The following PLXNA2 variants were observed in gnomAD, a reference collection of about 807,000 sequenced individuals.
PLXNA2 encodes the protein plexin A2, also known as plexin-A2.
Under a neutral mutation model 193.5 loss-of-function variants are expected in PLXNA2, and 91 were observed. That is an observed-to-expected ratio of 0.47 (90% CI 0.40 to 0.56). PLXNA2 has a LOEUF of 0.56. Ranked by LOEUF, PLXNA2 falls within the 20% of genes least tolerant of loss-of-function variation. The probability of loss-of-function intolerance (pLI) is 0.00; values close to 1 mark genes in which losing one functional copy is unlikely to be tolerated. For synonymous variants in PLXNA2, 997 were observed against 1,027.3 expected, an observed-to-expected ratio of 0.97 and a Z score of 0.56; for missense variants, 1,995 against 2,503.2, an observed-to-expected ratio of 0.80 and a Z score of 4.33.
chr1:208,084,647 C>A, intron 9 of PLXNA2, 67 bp from the exon 10 acceptor site: 3 of 1,482,528 alleles, frequency 2.0e-6, no homozygotes, highest in East Asian at 2.3e-5. Flanking sequence ...CTGGGACAGG[C>A]AGGCCCCTCT....
At chr1:208,142,605 T>C in intron 3 of PLXNA2, 142 bp from the exon 4 acceptor site, 1 of 754,062 alleles carries the variant, frequency 1.3e-6, no homozygotes, top group Non-Finnish European at 2.0e-6. Flanking sequence ...GCCACTTCTT[T>C]TAAACAGCCC....
chr1:208,029,149 C>A (rs1387172568), intron 29 of PLXNA2, 107 bp from the exon 30 acceptor site: 3 of 1,519,278 alleles, frequency 2.0e-6, no homozygotes, highest in Non-Finnish European at 2.6e-6. Context: ...CCTGAAGGGG[C>A]AAAGGAGTAA....
intron 3 of PLXNA2, among the ~76,000 whole-genome samples, chr1:208,183,088 G>T (rs1362820737): frequency 6.6e-6 from 1 of 152,164 alleles, no homozygotes; most frequent in Non-Finnish European, 1.5e-5. Context: ...TTCCTCTGGG[G>T]CTCCCCCTTC....
chr1:208,113,020 A>AAC (rs1244473095), intron 4 of PLXNA2, among the ~76,000 whole-genome samples: 2 of 151,678 alleles, frequency 1.3e-5, no homozygotes, highest in African/African-American at 2.4e-5. Flanking sequence ...AAAAAAAAAA[A>AAC]AAAACAGAGA....
chr1:208,231,231 G>A (rs1671682875), intron 1 of PLXNA2, among the ~76,000 whole-genome samples: 1 of 152,076 alleles, frequency 6.6e-6, no homozygotes, highest in African/African-American at 2.4e-5. Flanking sequence ...GGGGAGGGAG[G>A]ACCTAGGGCA....
At chr1:208,124,654 G>A (rs1667911775) in intron 4 of PLXNA2, among the ~76,000 whole-genome samples, 1 of 141,532 alleles carries the variant, frequency 7.1e-6, no homozygotes, top group African/African-American at 2.6e-5. Context: ...ACTCCAGCCT[G>A]GGCGACAACA....
chr1:208,047,385 T>C (rs1343433261), intron 17 of PLXNA2, among the ~76,000 whole-genome samples: 5 of 91,288 alleles, frequency 5.5e-5, no homozygotes, highest in African/African-American at 1.8e-4. Flanking sequence ...TGGAGGTCTC[T>C]GGTGCCAACT....
At chr1:208,193,557 A>G (rs959989270) in intron 3 of PLXNA2, among the ~76,000 whole-genome samples, 1 of 152,228 alleles carries the variant, frequency 6.6e-6, no homozygotes, top group African/African-American at 2.4e-5. Context: ...TATATTTATG[A>G]AAGCTCTTTA....
rs753576624 is a variant in PLXNA2 at position 208,084,347 on chromosome 1, G to A, written c.2298+33C>T. 15 of 1,609,046 alleles carry A rather than the reference G, an allele frequency of 9.3e-6. No homozygotes were observed. The South Asian group carries it at 1.4e-4, about 15-fold the overall frequency. On this transcript the variant is annotated intron_variant, in intron 10 of 31. Transcript: ENST00000367033. The stretch of plus-strand genomic sequence containing the variant: ...CAGCACGAGTGTGAGAGGAAGCCCT[G>A]CTCCAGGCAGGGCCCAGCCTGCGTT...
intron 3 of PLXNA2, among the ~76,000 whole-genome samples, chr1:208,184,920 C>T (rs1669950993): frequency 6.6e-6 from 1 of 152,174 alleles, no homozygotes; most frequent in African/African-American, 2.4e-5. Context: ...GGGTCTGGGC[C>T]CTTCCAAGCC....
intron 12 of PLXNA2, among the ~76,000 whole-genome samples, chr1:208,061,738 G>A (rs1665628075): frequency 1.3e-5 from 2 of 152,258 alleles, no homozygotes; most frequent in South Asian, 4.2e-4. Context: ...GTTCTATCTG[G>A]GAACAGACCA....
intron 13 of PLXNA2, among the ~76,000 whole-genome samples, chr1:208,055,856 G>C (rs1348598565): frequency 6.6e-6 from 1 of 152,104 alleles, no homozygotes; most frequent in Non-Finnish European, 1.5e-5. Context: ...TTCACTCCTA[G>C]CGAATATTTA....
chr1:208,069,706 G>A (rs539278939), intron 12 of PLXNA2, among the ~76,000 whole-genome samples: 2 of 152,294 alleles, frequency 1.3e-5, no homozygotes, highest in Non-Finnish European at 2.9e-5. Flanking sequence ...GAGGAGCTTG[G>A]TGGGAGCTTC....
rs181477097 is a variant in PLXNA2 at position 208,165,007 on chromosome 1, T to C, written c.1372-22544A>G. ...AAGTCAGGGACGGAACCAAAGCTGC[T>C]GGACCCTCCGCTTCTCTTGTGCCCC... On this transcript the variant is annotated intron_variant, in intron 3 of 31. Transcript: ENST00000367033. Among the ~76,000 whole-genome samples the C allele has an allele frequency of 6.6e-5, 10 of 152,366 alleles. No individual in the cohort carries two copies. The East Asian group carries it at 1.9e-3, about 29-fold the overall frequency.
chr1:208,200,336 G>A (rs1670503049), intron 3 of PLXNA2, among the ~76,000 whole-genome samples: 1 of 152,196 alleles, frequency 6.6e-6, no homozygotes, highest in African/African-American at 2.4e-5. Context: ...CCTGGACAGA[G>A]AGGCACATGC....
At chr1:208,186,881 G>A (rs1046240424) in intron 3 of PLXNA2, among the ~76,000 whole-genome samples, 2 of 150,644 alleles carry the variant, frequency 1.3e-5, no homozygotes, top group African/African-American at 2.5e-5. Flanking sequence ...CACCGCGCCC[G>A]GCTAATTTTT....
chr1:208,215,556 G>A (rs1303801977), intron 2 of PLXNA2, among the ~76,000 whole-genome samples: 3 of 150,234 alleles, frequency 2.0e-5, no homozygotes, highest in Non-Finnish European at 4.5e-5. Flanking sequence ...GGAAGGGATG[G>A]AGGAAAGAAT....
intron 8 of PLXNA2, among the ~76,000 whole-genome samples, chr1:208,093,726 T>C (rs1666785846): frequency 1.3e-5 from 2 of 152,222 alleles, no homozygotes; most frequent in Admixed American, 6.5e-5. Flanking sequence ...ATGTGTGTGG[T>C]ATGTGCTTTT....
chr1:208,141,900 A>C (rs1400595931), intron 4 of PLXNA2, among the ~76,000 whole-genome samples: 1 of 152,228 alleles, frequency 6.6e-6, no homozygotes, highest in African/African-American at 2.4e-5. Flanking sequence ...ACTCACGCCA[A>C]GATTTTTATT....
Sources: gnomAD v4.1 joint callset for allele counts (sites outside exome capture counted in the v4.1 genomes callset) on GRCh38, gnomAD v4.1.1 for gene constraint, MANE v1.5 for transcripts, NCBI Gene and HGNC (gene_info 2026-07-23, HGNC 2026-07-21) for gene names.